The following CASK variants were observed in gnomAD, a reference collection of about 807,000 sequenced individuals.
The protein encoded by CASK is calcium/calmodulin dependent serine protein kinase.
A neutral mutation model predicts 82.9 loss-of-function variants in CASK; 4 were observed. The ratio of observed to expected loss-of-function variants is 0.05; its 90% CI spans 0.02 to 0.11. CASK has a LOEUF of 0.11. CASK is among the 10% of genes least tolerant of loss of function. The pLI is 1.00. For synonymous variants in CASK, 259 were observed against 253.5 expected (o/e 1.02, Z -0.20); for missense variants, 358 against 720.9 (o/e 0.50, Z 5.76).
chrX:41,778,939 C>T (rs1314618802), intron 3 of CASK, among the ~76,000 whole-genome samples: 1 of 110,578 alleles, frequency 9.0e-6, no homozygotes, highest in Admixed American at 9.7e-5. Flanking sequence ...TTTGCAGATC[C>T]AGGAGTTTAT....
chrX:41,593,366 A>C (rs1322915147), intron 12 of CASK, among the ~76,000 whole-genome samples: 1 of 111,599 alleles, frequency 9.0e-6, no homozygotes, highest in Non-Finnish European at 1.9e-5. Context: ...GTCAGAGAGA[A>C]GTGACCCTTT....
intron 5 of CASK, among the ~76,000 whole-genome samples, chrX:41,717,089 A>T (rs2068074249): frequency 9.1e-6 from 1 of 109,798 alleles, no homozygotes; most frequent in African/African-American, 3.3e-5. Flanking sequence ...CGCCAGTGTA[A>T]CCCCCTCCCT....
chrX:41,582,096 A>G (rs1243842464), intron 14 of CASK, among the ~76,000 whole-genome samples: 1 of 111,013 alleles, frequency 9.0e-6, no homozygotes, highest in Non-Finnish European at 1.9e-5. Context: ...CCCATGTTCT[A>G]CCATCCTCAC....
At chrX:41,889,271 G>A (rs1234476503) in intron 1 of CASK, among the ~76,000 whole-genome samples, 1 of 109,990 alleles carries the variant, frequency 9.1e-6, no homozygotes, top group Non-Finnish European at 1.9e-5. Flanking sequence ...CACCAACAGT[G>A]TAAGAGTGTT....
intron 1 of CASK, among the ~76,000 whole-genome samples, chrX:41,913,461 T>C (rs1425659388): frequency 1.8e-5 from 2 of 112,339 alleles, no homozygotes; most frequent in Non-Finnish European, 3.8e-5. Context: ...ACAAAGTATA[T>C]ACCATTAACC....
intron 5 of CASK, among the ~76,000 whole-genome samples, chrX:41,731,754 T>C (rs1446138627): frequency 9.0e-6 from 1 of 110,654 alleles, no homozygotes; most frequent in Admixed American, 9.7e-5. Context: ...GCATAGTAAA[T>C]ATTTTACTTA....
intron 5 of CASK, among the ~76,000 whole-genome samples, chrX:41,706,990 C>A (rs916640254): frequency 1.8e-5 from 2 of 112,016 alleles, no homozygotes; most frequent in Non-Finnish European, 3.8e-5. Flanking sequence ...CTATAGTAAT[C>A]CCTAAAGAAA....
chrX:41,576,427 C>T (rs900656534), intron 15 of CASK, among the ~76,000 whole-genome samples: 2 of 110,959 alleles, frequency 1.8e-5, no homozygotes, highest in African/African-American at 6.6e-5. Context: ...CTGAACATCA[C>T]ACCTTCCTGC....
chrX:41,788,105 C>T (rs772011992), intron 2 of CASK, among the ~76,000 whole-genome samples: 1 of 100,853 alleles, frequency 9.9e-6, no homozygotes, highest in Non-Finnish European at 2.0e-5. Flanking sequence ...TGCAGTGAGC[C>T]GGGATCGCGT....
intron 14 of CASK, 71 bp from the exon 15 acceptor site, chrX:41,578,599 TTTATTTTG>T (rs1261807778): frequency 2.4e-6 from 2 of 830,426 alleles, no homozygotes; most frequent in African/African-American, 4.1e-5. Context: ...TATTTATTTA[TTTATTTTG>T]AGACAGGGTC....
chrX:41,640,216 T>TG (rs1262094517), intron 8 of CASK, among the ~76,000 whole-genome samples: 15 of 110,878 alleles, frequency 1.4e-4, no homozygotes, highest in Admixed American at 1.9e-4. Flanking sequence ...TGTTCTTTTT[T>TG]TTTTTGAAAT....
intron 16 of CASK, among the ~76,000 whole-genome samples, chrX:41,568,101 CT>C (rs2065349899): frequency 9.4e-5 from 2 of 21,274 alleles, no homozygotes; most frequent in African/African-American, 4.0e-4. Flanking sequence ...GGGTGGGGGG[CT>C]GGGGGAGGGA....
intron 11 of CASK, among the ~76,000 whole-genome samples, chrX:41,613,022 C>T (rs1365344450): frequency 9.4e-6 from 1 of 106,249 alleles, no homozygotes. Flanking sequence ...GGGTCAGCCC[C>T]CCGCCTGGCC....
At chrX:41,555,456 A>G (rs1272873268) in intron 20 of CASK, 144 bp downstream of exon 20, 2 of 480,004 alleles carry the variant, frequency 4.2e-6, no homozygotes, top group Admixed American at 6.1e-5. Context: ...GTCATGTGTA[A>G]TGTGTTAAAA....
intron 3 of CASK, among the ~76,000 whole-genome samples, chrX:41,776,514 G>C (rs1426161917): frequency 8.9e-6 from 1 of 112,089 alleles, no homozygotes; most frequent in Non-Finnish European, 1.9e-5. Context: ...AGTTGGAAAG[G>C]GCAAATCAAA....
chrX:41,800,937 C>A (rs953199533), intron 2 of CASK, among the ~76,000 whole-genome samples: 1 of 111,697 alleles, frequency 9.0e-6, no homozygotes, highest in Non-Finnish European at 1.9e-5. Flanking sequence ...CAGAGAAATG[C>A]ATGGATAAGG....
At chrX:41,556,887 C>T (rs901242595) in intron 19 of CASK, 145 bp downstream of exon 19, 5 of 502,729 alleles carry the variant, frequency 9.9e-6, no homozygotes, top group Non-Finnish European at 1.8e-5. Flanking sequence ...AAAGATTTTC[C>T]AGGAGTAAAG....
intron 3 of CASK, among the ~76,000 whole-genome samples, chrX:41,768,670 C>A (rs771529507): frequency 9.0e-6 from 1 of 111,495 alleles, no homozygotes; most frequent in Non-Finnish European, 1.9e-5. Context: ...ATATCTTTAG[C>A]AAATAAAGAA....
intron 5 of CASK, among the ~76,000 whole-genome samples, chrX:41,701,545 A>G: frequency 8.9e-6 from 1 of 112,063 alleles, no homozygotes; most frequent in East Asian, 2.8e-4. Flanking sequence ...GACGAGAGAT[A>G]AACTATGCGG....
Sources: gnomAD v4.1 joint callset for allele counts (sites outside exome capture counted in the v4.1 genomes callset) on GRCh38, gnomAD v4.1.1 for gene constraint, MANE v1.5 for transcripts, NCBI Gene and HGNC (gene_info 2026-07-23, HGNC 2026-07-21) for gene names.